ANKFY1: variants seen among roughly 807,000 people sequenced by gnomAD.
ANKFY1 encodes the protein ankyrin repeat and FYVE domain-containing protein 1.
ANKFY1 carries 47 observed loss-of-function variants against 128.3 expected under a neutral mutation model. The observed-to-expected ratio is 0.37, with a 90% CI of 0.29 to 0.47. ANKFY1 has a LOEUF of 0.47. ANKFY1 is among the 20% of genes least tolerant of loss of function. The pLI, the probability that ANKFY1 is intolerant of heterozygous loss-of-function variation, is 1.00. For synonymous variants in ANKFY1, 553 were observed against 601.6 expected (o/e 0.92, Z 1.18); for missense variants, 1,222 against 1,510.6 (o/e 0.81, Z 3.17).
Position 4,167,471 on chromosome 17 carries a change from A to C in ANKFY1, c.*308T>G, listed in dbSNP as rs1436167936. 1 of 220,462 alleles carries C rather than the reference A, an allele frequency of 4.5e-6. No homozygotes were observed. The highest frequency in any genetic ancestry group is 8.9e-6 in the Non-Finnish European group (1 of 112,428). The allele number at this position is 220,462 out of a possible 1,614,324, so 13.7% of individuals were successfully genotyped here. On this transcript the variant is annotated 3_prime_UTR_variant, in exon 25 of 25. Coordinates refer to ENST00000341657, the MANE Select transcript of ANKFY1 (RefSeq NM_001330063.2). This position sits in a 1 kb window ranked among gnomAD's most constrained non-coding sequence, Gnocchi z 4.1. ...CTACTGGAAGGGGAAATGGTTTTCC[A>C]AGTGTCCCTGTATGTTGCTAGCAGA... is the stretch of plus-strand genomic sequence containing the variant.
intron 11 of ANKFY1, chr17:4,187,761 A>C (rs2059638190): frequency 6.6e-6 from 1 of 152,412 alleles, no homozygotes. Context: ...TCTGCCTCCC[A>C]GGTTCAAGCG....
Position 4,181,113 on chromosome 17 carries a change from C to T in ANKFY1, c.2240+141G>A. 1 of 670,370 alleles carries T rather than the reference C, an allele frequency of 1.5e-6. No homozygotes were observed. Among genetic ancestry groups the T allele is most frequent in the Non-Finnish European group, 2.6e-6 (1 of 384,350 alleles). 41.5% of individuals were successfully genotyped at this position (670,370 alleles called of 1,614,324 possible). A position where few individuals can be genotyped will look rare whatever the true frequency, so the allele number is the denominator to read the frequency against. On this transcript the variant is annotated intron_variant, in intron 16 of 24. Transcript: ENST00000341657. The surrounding 1 kb of genome is among the most constrained non-coding windows in gnomAD (Gnocchi z 4.9). ...TCCTGGCTGACTTGACATGACAGAA[C>T]AGTGACTCTCTGATAACCTTAACTG... is the stretch of plus-strand genomic sequence containing the variant.
intron 8 of ANKFY1, among the ~76,000 whole-genome samples, chr17:4,196,877 T>C (rs1443804250): frequency 6.6e-6 from 1 of 152,224 alleles, no homozygotes; most frequent in East Asian, 1.9e-4. Context: ...CCCAGCACTT[T>C]GGGAGACCGA....
chr17:4,202,143 C>T (rs1371578455), intron 7 of ANKFY1, among the ~76,000 whole-genome samples: 1 of 152,174 alleles, frequency 6.6e-6, no homozygotes, highest in Non-Finnish European at 1.5e-5. Context: ...CGGCTCCTGA[C>T]TGTAATCCCA....
In ANKFY1 at chr17:4,195,369, C is replaced by G. The variant is rs1470809573; in HGVS notation, c.1172+34G>C. On this transcript the variant is annotated intron_variant, in intron 9 of 24. Transcript: ENST00000341657. ...TTTCACTCACAATCCCCCCTCACAA[C>G]CGCCTTCTCACTTGTGCGTGTCTCC... is the stretch of plus-strand genomic sequence containing the variant. The G allele has an allele frequency of 1.9e-6, 3 of 1,597,316 alleles. No individual in the cohort carries two copies. The Admixed American group carries it at 5.1e-5, about 27-fold the overall frequency.
At chr17:4,170,591 T>C in intron 23 of ANKFY1, 124 bp downstream of exon 23, 1 of 1,346,898 alleles carries the variant, frequency 7.4e-7, no homozygotes, top group Non-Finnish European at 1.0e-6. Context: ...TCCCAGCTAC[T>C]GCCAGGAAAC....
At chr17:4,261,466 C>T (rs1311870423) in intron 1 of ANKFY1, among the ~76,000 whole-genome samples, 8 of 152,112 alleles carry the variant, frequency 5.3e-5, no homozygotes, top group African/African-American at 7.2e-5. Context: ...GGCAACAGAG[C>T]GAGACTCCCT....
chr17:4,179,171 C>A, intron 17 of ANKFY1, 114 bp from the exon 18 acceptor site: 1 of 1,151,740 alleles, frequency 8.7e-7, no homozygotes, highest in Admixed American at 2.0e-5. Context: ...TCAATACTAC[C>A]ACCCTGTGTT....
chr17:4,235,708 C>A, intron 3 of ANKFY1, 64 bp downstream of exon 3: 2 of 1,170,618 alleles, frequency 1.7e-6, no homozygotes, highest in Non-Finnish European at 2.5e-6. Flanking sequence ...AATGAGACAC[C>A]ACAACCTTCT....
intron 18 of ANKFY1, 91 bp from the exon 19 acceptor site, chr17:4,177,393 T>A (rs2059427920): frequency 8.3e-7 from 1 of 1,201,006 alleles, no homozygotes; most frequent in Non-Finnish European, 1.1e-6. Context: ...ACTGGAGAGG[T>A]CACGATGGAG....
rs1555626551 is a variant in ANKFY1, at chr17:4,189,368, C to A, written c.1470+14G>T. 1.9e-6 allele frequency: 3 copies of A among 1,559,308 alleles called. No homozygotes were observed. The highest frequency in any genetic ancestry group is 2.4e-5 in the East Asian group (1 of 42,434). On this transcript the variant is annotated intron_variant, in intron 11 of 24. Coordinates refer to ENST00000341657, the MANE Select transcript of ANKFY1 (RefSeq NM_001330063.2). ...GATCAACACCATTTTCTCCGGCTGC[C>A]CTGTCACACTTACCCACTTGTTTCT...
chr17:4,211,842 C>A (rs2143018575), intron 4 of ANKFY1, among the ~76,000 whole-genome samples: 1 of 151,740 alleles, frequency 6.6e-6, no homozygotes, highest in Non-Finnish European at 1.5e-5. Flanking sequence ...ACCGTGATCG[C>A]ACCACTGTAC....
At chr17:4,234,937 A>G (rs1966865736) in intron 3 of ANKFY1, among the ~76,000 whole-genome samples, 3 of 152,262 alleles carry the variant, frequency 2.0e-5, no homozygotes, top group Admixed American at 2.0e-4. Flanking sequence ...CATCTCACAT[A>G]GTAACCCAAA....
intron 10 of ANKFY1, among the ~76,000 whole-genome samples, chr17:4,193,419 CTTTTTTT>C (rs34747890): frequency 5.5e-5 from 6 of 108,242 alleles, no homozygotes; most frequent in African/African-American, 2.5e-4. Flanking sequence ...CCAGTCGACT[CTTTTTTT>C]TTTTTTTTTT....
chr17:4,179,388 A>C, intron 17 of ANKFY1: 1 of 515,916 alleles, frequency 1.9e-6, no homozygotes. Flanking sequence ...AAAAGCATCA[A>C]AGGGCGTAAC....
chr17:4,233,235 T>C (rs2060544184), intron 3 of ANKFY1, among the ~76,000 whole-genome samples: 4 of 152,214 alleles, frequency 2.6e-5, no homozygotes, highest in Admixed American at 2.6e-4. Context: ...CCTTCTAGTC[T>C]TCATAAACAT....
At chr17:4,263,831 T>A in intron 1 of ANKFY1, 101 bp downstream of exon 1, 1 of 1,610,588 alleles carries the variant, frequency 6.2e-7, no homozygotes, top group South Asian at 1.1e-5. Flanking sequence ...GGAGCCCCCA[T>A]GCAACCACGC....
chr17:4,223,841 C>A, intron 3 of ANKFY1: 1 of 1,168,254 alleles, frequency 8.6e-7, no homozygotes, highest in Non-Finnish European at 1.2e-6. Context: ...TCTTCTCTCG[C>A]AATCCCACAG....
At chr17:4,201,242 G>A (rs1468771281) in intron 7 of ANKFY1, among the ~76,000 whole-genome samples, 1 of 152,182 alleles carries the variant, frequency 6.6e-6, no homozygotes, top group Non-Finnish European at 1.5e-5. Flanking sequence ...ATGTTGCCCA[G>A]GCTGGACTCA....
Sources: gnomAD v4.1 joint callset for allele counts (sites outside exome capture counted in the v4.1 genomes callset) on GRCh38, gnomAD v4.1.1 for gene constraint, Gnocchi (gnomAD v3.1) non-coding constraint, MANE v1.5 for transcripts, NCBI Gene and HGNC (gene_info 2026-07-23, HGNC 2026-07-21) for gene names.